TASP1: variants seen among roughly 807,000 people sequenced by gnomAD.
The protein encoded by TASP1 is threonine aspartase 1.
TASP1 carries 16 observed loss-of-function variants against 56.6 expected under a neutral mutation model. The observed-to-expected ratio is 0.28, with a 90% CI of 0.19 to 0.43. The LOEUF is 0.43. TASP1 is among the 20% of genes least tolerant of loss of function. The pLI, the probability that TASP1 is intolerant of heterozygous loss-of-function variation, is 1.00. For missense variants in TASP1, 393 were observed against 511.6 expected (o/e 0.77, Z 2.24); for synonymous variants, 179 against 184.2 (o/e 0.97, Z 0.23).
chr20:13,282,741 A>C, the TASP1 span, among the ~76,000 whole-genome samples: 1 of 152,250 alleles, frequency 6.6e-6, no homozygotes, highest in African/African-American at 2.4e-5. Flanking sequence ...CCTCTAAAGC[A>C]GTGCTTCTCA....
At chr20:13,249,384 C>T in the TASP1 span, among the ~76,000 whole-genome samples, 1 of 152,188 alleles carries the variant, frequency 6.6e-6, no homozygotes, top group African/African-American at 2.4e-5. Flanking sequence ...AGACATGAAA[C>T]ACGGGCAGGC....
rs562318064 is a variant in TASP1 at position 13,517,711 on chromosome 20, G to A, written c.874+10722C>T. 1.4e-3 allele frequency among the ~76,000 whole-genome samples: 210 copies of A among 152,232 alleles called. 1 individual carries two copies. Among genetic ancestry groups the A allele is most frequent in the African/African-American group, 4.5e-3 (187 of 41,558 alleles). On this transcript the variant is annotated intron_variant, in intron 10 of 13. Coordinates refer to ENST00000337743, the MANE Select transcript of TASP1 (RefSeq NM_017714.3). ...TTAAAATCTCTAAGATATATCAATTGCTGTCACATTGAACTGGTTTCTTAG... is the reference window on the plus strand; with the variant it reads ...TTAAAATCTCTAAGATATATCAATTACTGTCACATTGAACTGGTTTCTTAG...
At chr20:13,544,241 C>T (rs572356098) in intron 8 of TASP1, among the ~76,000 whole-genome samples, 36 of 152,274 alleles carry the variant, frequency 2.4e-4, no homozygotes, top group African/African-American at 7.9e-4. Flanking sequence ...TTCTTTACTG[C>T]CCTCCCATCC....
chr20:13,637,384 T>C (rs1198030420), intron 1 of TASP1, among the ~76,000 whole-genome samples: 2 of 152,210 alleles, frequency 1.3e-5, no homozygotes, highest in African/African-American at 2.4e-5. Flanking sequence ...ATTCCACTTC[T>C]AGGTATATAC....
intron 13 of TASP1, among the ~76,000 whole-genome samples, chr20:13,403,082 C>A (rs539905693): frequency 1.2e-4 from 19 of 152,166 alleles, no homozygotes; most frequent in African/African-American, 4.6e-4. Flanking sequence ...AGCTCCTTTG[C>A]CACCATTTTG....
At chr20:13,325,525 C>T in the TASP1 span, among the ~76,000 whole-genome samples, 190 of 152,262 alleles carry the variant, frequency 1.2e-3, 1 homozygote, top group Admixed American at 0.011. Flanking sequence ...ATAATATTCA[C>T]CTTTCCCCAA....
chr20:13,582,342 A>G (rs2047157627), intron 5 of TASP1, among the ~76,000 whole-genome samples: 1 of 151,800 alleles, frequency 6.6e-6, no homozygotes, highest in Non-Finnish European at 1.5e-5. Context: ...TAACTTATAA[A>G]TTTATAACTT....
the TASP1 span, among the ~76,000 whole-genome samples, chr20:13,149,139 A>G: frequency 1.8e-4 from 28 of 152,312 alleles, no homozygotes; most frequent in African/African-American, 6.7e-4. Flanking sequence ...AACTCTCCAG[A>G]GGGCTACATA....
chr20:13,260,856 G>A, the TASP1 span, among the ~76,000 whole-genome samples: 2 of 152,174 alleles, frequency 1.3e-5, no homozygotes, highest in African/African-American at 4.8e-5. Context: ...CTCTGGGTCA[G>A]CAGGGTGGCT....
At chr20:13,308,611 G>A in the TASP1 span, among the ~76,000 whole-genome samples, 20 of 152,242 alleles carry the variant, frequency 1.3e-4, no homozygotes, top group South Asian at 4.1e-3. Flanking sequence ...ACCATGTTAA[G>A]TTCATAATAG....
At chr20:13,260,694 G>A in the TASP1 span, among the ~76,000 whole-genome samples, 1 of 151,902 alleles carries the variant, frequency 6.6e-6, no homozygotes, top group African/African-American at 2.4e-5. Flanking sequence ...GCTGAATAGA[G>A]TGAGAGGCTT....
the TASP1 span, among the ~76,000 whole-genome samples, chr20:13,178,518 T>C: frequency 2.0e-5 from 3 of 151,868 alleles, no homozygotes; most frequent in Admixed American, 6.6e-5. Flanking sequence ...CAACAACAGA[T>C]GAATGAAGAA....
chr20:13,300,111 G>A, the TASP1 span: 1 of 152,248 alleles, frequency 6.6e-6, no homozygotes, highest in Admixed American at 6.5e-5. Flanking sequence ...GACTGGGTAG[G>A]GAATATGATA....
intron 13 of TASP1, among the ~76,000 whole-genome samples, chr20:13,395,074 G>T (rs570521235): frequency 6.6e-6 from 1 of 152,164 alleles, no homozygotes; most frequent in Non-Finnish European, 1.5e-5. Flanking sequence ...CTTAGAAACT[G>T]CTCTTGTATG....
At chr20:13,254,162 G>A in the TASP1 span, among the ~76,000 whole-genome samples, 1 of 151,844 alleles carries the variant, frequency 6.6e-6, no homozygotes. Context: ...GAGCCCAGGA[G>A]GGGGAGGTTG....
At chr20:13,300,069 T>C in the TASP1 span, 5 of 152,362 alleles carry the variant, frequency 3.3e-5, no homozygotes, top group South Asian at 1.0e-3. Flanking sequence ...GGCACCTTGC[T>C]GGAGTCTCAG....
At chr20:13,474,964 T>C (rs2044668299) in intron 11 of TASP1, among the ~76,000 whole-genome samples, 1 of 152,200 alleles carries the variant, frequency 6.6e-6, no homozygotes, top group Non-Finnish European at 1.5e-5. Context: ...CTTGGTCTAC[T>C]TTTTGATAGG....
At chr20:13,604,593 G>T (rs2048078241) in intron 4 of TASP1, among the ~76,000 whole-genome samples, 1 of 152,120 alleles carries the variant, frequency 6.6e-6, no homozygotes. Context: ...AACTAATACA[G>T]CAGTGGTTCC....
the TASP1 span, among the ~76,000 whole-genome samples, chr20:13,360,389 T>C: frequency 7.9e-5 from 12 of 151,872 alleles, no homozygotes; most frequent in Admixed American, 2.0e-4. Context: ...TCGGCATAAT[T>C]CTCATAAAAA....
Sources: allele counts gnomAD v4.1 joint callset (sites outside exome capture counted in the v4.1 genomes callset), GRCh38; gene constraint gnomAD v4.1.1; transcripts MANE v1.5; gene names NCBI Gene and HGNC (gene_info 2026-07-23, HGNC 2026-07-21).